Variants in OPRD1 observed in about 807,000 individuals in gnomAD.
OPRD1 encodes delta-type opioid receptor.
Under a neutral mutation model 17.5 loss-of-function variants are expected in OPRD1, and 19 were observed. The ratio of observed to expected loss-of-function variants is 1.09; its 90% CI spans 0.76 to 1.60. The LOEUF is 1.60. Ranked by LOEUF, OPRD1 falls within the 40% of genes most tolerant of loss-of-function variation. The pLI, the probability that OPRD1 is intolerant of heterozygous loss-of-function variation, is 0.00. For synonymous variants in OPRD1, 256 were observed against 240.9 expected (o/e 1.06, Z -0.58); for missense variants, 483 against 547.2 (o/e 0.88, Z 1.17).
At position 28,853,341 on chromosome 1, in the gene OPRD1, G is replaced by A. The variant is rs148399937; in HGVS notation, c.228-5613G>A. 4.6e-5 allele frequency among the ~76,000 whole-genome samples: 7 copies of A among 152,288 alleles called. No homozygotes were observed. In the East Asian group the frequency reaches 1.2e-3, roughly 25 times the overall value. ...CTCTCTGGTGATCAAGGGGGCCTTG[G>A]GTTAAGACAGCAGGGCCACAGGGGT... On this transcript the variant is annotated intron_variant, in intron 1 of 2. Coordinates refer to ENST00000234961, the MANE Select transcript of OPRD1 (RefSeq NM_000911.4).
intron 2 of OPRD1, among the ~76,000 whole-genome samples, chr1:28,859,677 G>C (rs2089095372): frequency 6.6e-6 from 1 of 152,186 alleles, no homozygotes. Context: ...GAGATGGTTG[G>C]ATGTCCAGTG....
At chr1:28,820,942 A>G (rs975097097) in intron 1 of OPRD1, among the ~76,000 whole-genome samples, 2 of 152,038 alleles carry the variant, frequency 1.3e-5, no homozygotes, top group Non-Finnish European at 1.5e-5. Context: ...TTCTTCTACA[A>G]TAAAAGGTAA....
chr1:28,813,788 G>A (rs977932995), intron 1 of OPRD1, among the ~76,000 whole-genome samples: 1 of 152,190 alleles, frequency 6.6e-6, no homozygotes, highest in Non-Finnish European at 1.5e-5. Context: ...AGGTCAGGTC[G>A]TGGACTCAGA....
chr1:28,831,693 A>G (rs533576567), intron 1 of OPRD1, among the ~76,000 whole-genome samples: 1 of 152,204 alleles, frequency 6.6e-6, no homozygotes, highest in East Asian at 1.9e-4. Context: ...CACAGGCACC[A>G]CCATGCCTGG....
chr1:28,847,994 A>T (rs2088968297), intron 1 of OPRD1, among the ~76,000 whole-genome samples: 1 of 152,158 alleles, frequency 6.6e-6, no homozygotes, highest in South Asian at 2.1e-4. Context: ...CATGCCTGTA[A>T]TCCCAGCACT....
Position 28,863,585 on chromosome 1 carries a change from C to T in OPRD1, c.*302C>T, listed in dbSNP as rs1262182609. The T allele has an allele frequency of 7.0e-5, 25 of 358,682 alleles. No homozygotes were observed. The highest frequency in any genetic ancestry group is 1.1e-4 in the Non-Finnish European group (23 of 201,366). The allele number at this position is 358,682 out of a possible 1,614,324, so 22.2% of individuals were successfully genotyped here. A position where few individuals can be genotyped will look rare whatever the true frequency, so the allele number is the denominator to read the frequency against. On this transcript the variant is annotated 3_prime_UTR_variant, in exon 3 of 3. Coordinates refer to ENST00000234961, the MANE Select transcript of OPRD1 (RefSeq NM_000911.4). ...TCCAGGAGAGGAGCGGGACCTGTGG[C>T]TCTACAACTGAGTCCTTAAACAGGG...
chr1:28,847,055 G>GTCCCCTTTCCTT (rs144513178), intron 1 of OPRD1, among the ~76,000 whole-genome samples: 59,595 of 132,980 alleles, frequency 0.45, 14,179 homozygotes, highest in East Asian at 0.86. Flanking sequence ...CCCCTTTCCT[G>GTCCCCTTTCCTT]TCCCCTTTCC....
Position 28,820,150 on chromosome 1 carries a change from T to G in OPRD1, c.227+7540T>G, listed in dbSNP as rs2088700304. ...TTTAGAAGAGGAGTCACACTTGCTT[T>G]GCATTCATTTGATTGACATTTATCG... On this transcript the variant is annotated intron_variant, in intron 1 of 2. Coordinates refer to ENST00000234961, the MANE Select transcript of OPRD1 (RefSeq NM_000911.4). 2.0e-5 allele frequency among the ~76,000 whole-genome samples: 3 copies of G among 152,172 alleles called. No individual in the cohort carries two copies. In the South Asian group the frequency reaches 6.2e-4, roughly 32 times the overall value.
Position 28,859,301 on chromosome 1 carries a change from G to A in OPRD1, c.575G>A (p.Arg192Gln), listed in dbSNP as rs749376525. ...PIMVMAVTRPRDGAVVCMLQF... is the reference protein window; with the variant it reads ...PIMVMAVTRPQDGAVVCMLQF... ...ATGGTCATGGCTGTGACCCGTCCCC[G>A]GGGTGAGTGAGTGAGTGCACCATGG... Residue 192 changes from arginine (R) to glutamine (Q), a missense_variant and splice_region_variant, in exon 2 of 3, where the codon CGG (arginine) becomes CAG (glutamine). Physicochemically the swap from Arg to Gln is conservative, Grantham distance 43. Transcript: ENST00000234961. 3.4e-5 allele frequency: 54 copies of A among 1,609,924 alleles called. No individual in the cohort carries two copies. The highest frequency in any genetic ancestry group is 1.8e-4 in the Middle Eastern group (1 of 5,516).
intron 1 of OPRD1, among the ~76,000 whole-genome samples, chr1:28,814,832 C>T (rs1225510914): frequency 6.6e-6 from 1 of 152,202 alleles, no homozygotes; most frequent in Non-Finnish European, 1.5e-5. Context: ...GCTGGTCAAC[C>T]ATTTATGTGA....
rs753063961 is a variant in OPRD1 at position 28,862,816 on chromosome 1, T to A, written c.652T>A (p.Phe218Ile). Residue 218 changes from phenylalanine (F) to isoleucine (I), a missense_variant, in exon 3 of 3, where the codon TTC (phenylalanine) becomes ATC (isoleucine). Transcript: ENST00000234961. ...GGACACGGTGACCAAGATCTGCGTG[T>A]TCCTCTTCGCCTTCGTGGTGCCCAT... Reference protein sequence around the residue: ...YWDTVTKICVFLFAFVVPILI... With the variant: ...YWDTVTKICVILFAFVVPILI... 1 of 1,613,590 alleles carries A rather than the reference T, an allele frequency of 6.2e-7. No individual in the cohort carries two copies. Among genetic ancestry groups the A allele is most frequent in the Non-Finnish European group, 8.5e-7 (1 of 1,180,020 alleles).
Position 28,859,173 on chromosome 1 carries a change from T to C in OPRD1, c.447T>C (p.Ala149=). The part of the protein sequence containing the change: ...LTMMSVDRYI[A]VCHPVKALDF... ...TGATGAGTGTTGACCGCTACATCGCTGTCTGCCACCCTGTCAAGGCCCTGG... is the reference window on the plus strand; with the variant it reads ...TGATGAGTGTTGACCGCTACATCGCCGTCTGCCACCCTGTCAAGGCCCTGG... Residue 149 remains alanine (A), a synonymous_variant, in exon 2 of 3, where the codon GCT becomes GCC. Transcript: ENST00000234961. The C allele has an allele frequency of 1.2e-6, 2 of 1,614,260 alleles. No homozygotes were observed. The highest frequency in any genetic ancestry group is 8.5e-7 in the Non-Finnish European group (1 of 1,180,040).
At chr1:28,814,431 A>G (rs2088656576) in intron 1 of OPRD1, among the ~76,000 whole-genome samples, 1 of 152,198 alleles carries the variant, frequency 6.6e-6, no homozygotes, top group South Asian at 2.1e-4. Context: ...TAGATCCTGT[A>G]GAATCTGACT....
At chr1:28,858,495 G>A (rs1036446025) in intron 1 of OPRD1, among the ~76,000 whole-genome samples, 7 of 151,038 alleles carry the variant, frequency 4.6e-5, no homozygotes, top group Non-Finnish European at 8.8e-5. Flanking sequence ...GGAAAGGAGC[G>A]ATGCCAAATC....
chr1:28,846,827 TTC>T (rs1399546283), intron 1 of OPRD1, among the ~76,000 whole-genome samples: 1 of 75,006 alleles, frequency 1.3e-5, no homozygotes, highest in Non-Finnish European at 2.6e-5. Flanking sequence ...TGCATTTTCT[TTC>T]TTTCTTTCTT....
intron 1 of OPRD1, among the ~76,000 whole-genome samples, chr1:28,850,040 TG>T (rs1434042833): frequency 6.6e-6 from 1 of 151,994 alleles, no homozygotes; most frequent in African/African-American, 2.4e-5. Context: ...CCACTACGTC[TG>T]GCTAATTTTT....
At chr1:28,827,955 C>T (rs2088780373) in intron 1 of OPRD1, among the ~76,000 whole-genome samples, 1 of 151,984 alleles carries the variant, frequency 6.6e-6, no homozygotes, top group Non-Finnish European at 1.5e-5. Flanking sequence ...AGGCTGGTCT[C>T]GAGCTCCTGG....
chr1:28,813,609 C>A (rs2088649928), intron 1 of OPRD1, among the ~76,000 whole-genome samples: 1 of 152,120 alleles, frequency 6.6e-6, no homozygotes, highest in Non-Finnish European at 1.5e-5. Flanking sequence ...CCTGATACAG[C>A]CCCACAAGCT....
chr1:28,836,637 T>G (rs56409234), intron 1 of OPRD1, among the ~76,000 whole-genome samples: 17,829 of 152,148 alleles, frequency 0.12, 1,441 homozygotes, highest in African/African-American at 0.23. Context: ...CTTCGGTGGT[T>G]GCTGGCAATC....
Sources: gnomAD v4.1 joint callset for allele counts (sites outside exome capture counted in the v4.1 genomes callset) on GRCh38, gnomAD v4.1.1 for gene constraint, MANE v1.5 for transcripts, NCBI Gene and HGNC (gene_info 2026-07-23, HGNC 2026-07-21) for gene names.